The following RIMS4 variants were observed in gnomAD, a reference collection of about 807,000 sequenced individuals.
RIMS4 encodes the protein regulating synaptic membrane exocytosis 4.
In RIMS4, 9 loss-of-function variants were observed where a neutral mutation model predicts 29.0. The observed-to-expected ratio is 0.31, with a 90% CI of 0.19 to 0.54. The LOEUF is 0.54. RIMS4 is among the 20% of genes least tolerant of loss of function. The pLI is 0.94. For missense variants in RIMS4, 193 were observed against 365.7 expected, an observed-to-expected ratio of 0.53 and a Z score of 3.85; for synonymous variants, 130 against 152.9, an observed-to-expected ratio of 0.85 and a Z score of 1.10.
rs572734422 is a variant in RIMS4, at chr20:44,798,651, T to A, written c.97+11524A>T. Among the ~76,000 whole-genome samples, 5 of 152,288 alleles carry A rather than the reference T, an allele frequency of 3.3e-5. No homozygotes were observed. In the South Asian group the frequency reaches 8.3e-4, roughly 25 times the overall value. ...CCATCTTTGGACAACTGCCCTTAGC[T>A]CATAGGAGCTGCCTTGCCCCAACAG... On this transcript the variant is annotated intron_variant, in intron 1 of 5. Transcript: ENST00000372851.
At chr20:44,779,181 T>G (rs1471339501) in intron 1 of RIMS4, among the ~76,000 whole-genome samples, 3 of 152,248 alleles carry the variant, frequency 2.0e-5, no homozygotes, top group Non-Finnish European at 4.4e-5. Flanking sequence ...CCCATCATCC[T>G]GCATACAAAA....
intron 1 of RIMS4, among the ~76,000 whole-genome samples, chr20:44,778,222 C>T (rs981879002): frequency 1.3e-5 from 2 of 152,238 alleles, no homozygotes; most frequent in African/African-American, 4.8e-5. Flanking sequence ...TGTGAGGGCC[C>T]TAACCTTTCC....
At chr20:44,802,749 C>T (rs899075069) in intron 1 of RIMS4, among the ~76,000 whole-genome samples, 16 of 152,186 alleles carry the variant, frequency 1.1e-4, no homozygotes, top group Non-Finnish European at 2.4e-4. Flanking sequence ...TTTCCTTCTT[C>T]GGACCTCAGT....
Position 44,800,336 on chromosome 20 carries a change from C to T in RIMS4, c.97+9839G>A, listed in dbSNP as rs76586972. 3.3e-3 allele frequency among the ~76,000 whole-genome samples: 508 copies of T among 151,978 alleles called. 3 individuals carry two copies. Among genetic ancestry groups the T allele is most frequent in the African/African-American group, 9.3e-3 (386 of 41,434 alleles). Reference sequence around the variant, plus strand: ...TCTTTGGATGTCCTCTGGTGCTGTTCGGCTTTTTTACGATGTATCTACATT... The same window carrying T: ...TCTTTGGATGTCCTCTGGTGCTGTTTGGCTTTTTTACGATGTATCTACATT... On this transcript the variant is annotated intron_variant, in intron 1 of 5. Transcript: ENST00000372851.
Position 44,753,049 on chromosome 20 carries a change from G to A in RIMS4, c.*3085C>T, listed in dbSNP as rs927131797. Reference sequence around the variant, plus strand: ...ATCCTTGTCCCAGCAGACATGCACTGGAGCAACGGTCTCCTGTCGCCTGAA... The same window carrying A: ...ATCCTTGTCCCAGCAGACATGCACTAGAGCAACGGTCTCCTGTCGCCTGAA... On this transcript the variant is annotated 3_prime_UTR_variant, in exon 6 of 6. Transcript: ENST00000372851. The A allele has an allele frequency of 3.9e-5, 6 of 152,804 alleles. No individual in the cohort carries two copies. Among genetic ancestry groups the A allele is most frequent in the African/African-American group, 1.4e-4 (6 of 41,476 alleles). The allele number at this position is 152,804 out of a possible 1,614,324, so 9.5% of individuals were successfully genotyped here. A position where few individuals can be genotyped will look rare whatever the true frequency, so the allele number is the denominator to read the frequency against.
In RIMS4 at chr20:44,756,867, A is replaced by C; in HGVS notation, c.591+31T>G. The C allele has an allele frequency of 6.2e-7, 1 of 1,609,618 alleles. No homozygotes were observed. The highest frequency in any genetic ancestry group is 1.1e-5 in the South Asian group (1 of 90,352). Reference sequence around the variant, plus strand: ...ACTGTGCATGTGTGCTCGTGCACACACACACACGTGAGCGCGTCAATGCCC... The same window carrying C: ...ACTGTGCATGTGTGCTCGTGCACACCCACACACGTGAGCGCGTCAATGCCC... On this transcript the variant is annotated intron_variant, in intron 5 of 5. Transcript: ENST00000372851. The surrounding 1 kb of genome is among the most constrained non-coding windows in gnomAD (Gnocchi z 5.9).
At chr20:44,792,892 G>C (rs2066239063) in intron 1 of RIMS4, among the ~76,000 whole-genome samples, 1 of 152,138 alleles carries the variant, frequency 6.6e-6, no homozygotes, top group Non-Finnish European at 1.5e-5. Flanking sequence ...CCCGGACAGA[G>C]TGCTCCCTGC....
intron 1 of RIMS4, among the ~76,000 whole-genome samples, chr20:44,791,739 T>A (rs1013351523): frequency 1.3e-5 from 2 of 152,166 alleles, no homozygotes; most frequent in South Asian, 4.1e-4. Flanking sequence ...CTTCTCCTCT[T>A]GATCAGTTTT....
At chr20:44,759,124 A>C (rs2066073252) in intron 2 of RIMS4, among the ~76,000 whole-genome samples, 1 of 152,218 alleles carries the variant, frequency 6.6e-6, no homozygotes, top group Non-Finnish European at 1.5e-5. Flanking sequence ...TGTTGTATTA[A>C]GTGCGATGAG....
At position 44,771,236 on chromosome 20, in the gene RIMS4, G is replaced by T. The variant is rs201407670; in HGVS notation, c.236+39C>A. ...GTCCCTCCCGTGCCCCACCACAAAA[G>T]ACTGCAAGAACCAGGAGGGCTGGTG... On this transcript the variant is annotated intron_variant, in intron 2 of 5. Transcript: ENST00000372851. The T allele has an allele frequency of 1.3e-3, 2,018 of 1,584,938 alleles. 21 individuals carry two copies. Among genetic ancestry groups the T allele is most frequent in the Non-Finnish European group, 3.3e-4 (381 of 1,158,042 alleles).
At chr20:44,764,427 G>A (rs2066105124) in intron 2 of RIMS4, among the ~76,000 whole-genome samples, 1 of 152,214 alleles carries the variant, frequency 6.6e-6, no homozygotes, top group South Asian at 2.1e-4. Context: ...CAGTAAAAAT[G>A]AAAGCATGGT....
intron 1 of RIMS4, 91 bp downstream of exon 1, chr20:44,810,084 G>T: frequency 1.6e-6 from 1 of 627,268 alleles, no homozygotes; most frequent in Non-Finnish European, 2.7e-6. Flanking sequence ...GGGATTGGGG[G>T]TGGGGAGGAG....
chr20:44,780,265 G>A (rs1176124117), intron 1 of RIMS4, among the ~76,000 whole-genome samples: 1 of 152,184 alleles, frequency 6.6e-6, no homozygotes, highest in Non-Finnish European at 1.5e-5. Flanking sequence ...AGCTCCCTTG[G>A]TGGTATATAA....
Position 44,790,386 on chromosome 20 carries a change from C to T in RIMS4, c.98-18973G>A, listed in dbSNP as rs144619266. On this transcript the variant is annotated intron_variant, in intron 1 of 5. Coordinates refer to ENST00000372851, the MANE Select transcript of RIMS4 (RefSeq NM_182970.4). Reference sequence around the variant, plus strand: ...GCATGACACCTGTGGTCCCATAGACCCCTCCTCCCAGGCTACCTCCTCCCC... The same window carrying T: ...GCATGACACCTGTGGTCCCATAGACTCCTCCTCCCAGGCTACCTCCTCCCC... Among the ~76,000 whole-genome samples, 42 of 152,272 alleles carry T rather than the reference C, an allele frequency of 2.8e-4. No homozygotes were observed. In the East Asian group the frequency reaches 8.1e-3, roughly 29 times the overall value.
intron 1 of RIMS4, among the ~76,000 whole-genome samples, chr20:44,785,059 C>T (rs1186619316): frequency 1.3e-5 from 2 of 152,164 alleles, no homozygotes; most frequent in African/African-American, 4.8e-5. Context: ...AAGATTCTAG[C>T]CCATTCCATT....
At chr20:44,769,785 T>C (rs918315441) in intron 2 of RIMS4, among the ~76,000 whole-genome samples, 1 of 152,108 alleles carries the variant, frequency 6.6e-6, no homozygotes. Flanking sequence ...GGGGAAGGCT[T>C]TTAGCCAGCA....
In RIMS4 at chr20:44,778,768, T is replaced by C. The variant is rs139158029; in HGVS notation, c.98-7355A>G. ...TTCAGGAGGCAGCATGGCCTAATGG[T>C]TAAAAGCATGGACAATGGAGCCTGA... On this transcript the variant is annotated intron_variant, in intron 1 of 5. Coordinates refer to ENST00000372851, the MANE Select transcript of RIMS4 (RefSeq NM_182970.4). Among the ~76,000 whole-genome samples, 347 of 152,338 alleles carry C rather than the reference T, an allele frequency of 2.3e-3. 4 individuals are homozygous for C. The highest frequency in any genetic ancestry group is 7.4e-3 in the African/African-American group (306 of 41,578).
chr20:44,766,034 C>G (rs1198833573), intron 2 of RIMS4, among the ~76,000 whole-genome samples: 1 of 152,188 alleles, frequency 6.6e-6, no homozygotes, highest in Non-Finnish European at 1.5e-5. Flanking sequence ...TCTAGTGGGA[C>G]AGACAGACAC....
chr20:44,796,396 GAAGA>G (rs2066255327), intron 1 of RIMS4, among the ~76,000 whole-genome samples: 2 of 152,160 alleles, frequency 1.3e-5, no homozygotes, highest in African/African-American at 4.8e-5. Context: ...AACTACTGGA[GAAGA>G]AAGAAGGAAA....
Sources: allele counts gnomAD v4.1 joint callset (sites outside exome capture counted in the v4.1 genomes callset), GRCh38; gene constraint gnomAD v4.1.1; non-coding constraint Gnocchi (gnomAD v3.1); transcripts MANE v1.5; gene names NCBI Gene and HGNC (gene_info 2026-07-23, HGNC 2026-07-21).